Variants in KAZN observed in about 807,000 individuals in gnomAD.
The protein encoded by KAZN is kazrin, periplakin interacting protein, also known as kazrin.
In KAZN, 40 loss-of-function variants were observed where a neutral mutation model predicts 87.4. That is an observed-to-expected ratio of 0.46 (90% CI 0.36 to 0.60). KAZN has a LOEUF of 0.60. KAZN is among the 20% of genes least tolerant of loss of function. The probability of loss-of-function intolerance (pLI) is 0.00; values close to 1 mark genes in which losing one functional copy is unlikely to be tolerated. For missense variants in KAZN, 898 were observed against 1,073.9 expected, an observed-to-expected ratio of 0.84 and a Z score of 2.29; for synonymous variants, 466 against 458.3, an observed-to-expected ratio of 1.02 and a Z score of -0.22.
chr1:14,924,498 A>C, intron 1 of KAZN: 1 of 996,398 alleles, frequency 1.0e-6, no homozygotes, highest in East Asian at 1.1e-4. Flanking sequence ...CAGTGCGTGG[A>C]CGCGGCGGGG....
exon 1 of KAZN, chr1:13,893,646 C>T (rs1289692003): frequency 4.5e-6 from 7 of 1,550,036 alleles, no homozygotes; most frequent in Non-Finnish European, 6.1e-6. Context: ...ATGACCAACA[C>T]CAAAGACCCC....
rs564230388 is a variant in KAZN, at chr1:13,958,298, C to T, written c.91+64542C>T. 8.5e-5 allele frequency among the ~76,000 whole-genome samples: 13 copies of T among 152,190 alleles called. No homozygotes were observed. The East Asian group carries it at 9.7e-4, about 11-fold the overall frequency. ...CTAAAAATTAAAAATTGGCTGGGTG[C>T]GGTGGCTCACGCCTGTAATCCCAGC... On this transcript the variant is annotated intron_variant, in intron 1 of 16. Coordinates refer to the KAZN transcript ENST00000636203.
rs559594041 is a variant in KAZN at position 14,085,496 on chromosome 1, A to G, written c.92-94939A>G. 3.3e-5 allele frequency among the ~76,000 whole-genome samples: 5 copies of G among 152,186 alleles called. No individual in the cohort carries two copies. The East Asian group carries it at 9.7e-4, about 29-fold the overall frequency. On this transcript the variant is annotated intron_variant, in intron 1 of 16. Coordinates refer to the KAZN transcript ENST00000636203. The stretch of plus-strand genomic sequence containing the variant: ...GTCACTATAGTTTTGCTTGCTCTAG[A>G]GTTTTATAAAATTGAAGTCACTCAG...
At chr1:14,072,195 G>T (rs999789537) in intron 1 of KAZN, among the ~76,000 whole-genome samples, 3 of 152,156 alleles carry the variant, frequency 2.0e-5, no homozygotes, top group Admixed American at 2.0e-4. Flanking sequence ...TTATAAAGTT[G>T]TCTTTTTGCA....
intron 1 of KAZN, among the ~76,000 whole-genome samples, chr1:13,948,042 A>G (rs889937690): frequency 6.6e-6 from 1 of 152,154 alleles, no homozygotes; most frequent in Non-Finnish European, 1.5e-5. Context: ...ATTCAGGATA[A>G]TCTTTCCCAT....
intron 2 of KAZN, among the ~76,000 whole-genome samples, chr1:14,240,166 AG>A (rs1648810902): frequency 6.6e-6 from 1 of 152,240 alleles, no homozygotes; most frequent in Admixed American, 6.5e-5. Context: ...GCCTGGACCT[AG>A]GCTGAAAGAT....
rs71000358 is a variant in KAZN, at chr1:15,027,070, C to CTTTTTTTTT, written c.419-7658_419-7650dup. ...TAGGCAGATTCCCAAGCCAGTGCTT[C>CTTTTTTTTT]TTTTTTTTTTTTTTTTTTTTTTTTT... is the stretch of plus-strand genomic sequence containing the variant. On this transcript the variant is annotated intron_variant, in intron 2 of 14. Transcript: ENST00000376030. Among the ~76,000 whole-genome samples the CTTTTTTTTT allele has an allele frequency of 7.4e-3, 414 of 56,126 alleles. 68 individuals are homozygous for CTTTTTTTTT. Among genetic ancestry groups the CTTTTTTTTT allele is most frequent in the Non-Finnish European group, 9.3e-3 (299 of 32,168 alleles). The allele number at this position is 56,126 out of a possible 152,430, so 36.8% of individuals were successfully genotyped here.
At chr1:14,944,066 T>G (rs1357797826) in intron 1 of KAZN, among the ~76,000 whole-genome samples, 1 of 151,844 alleles carries the variant, frequency 6.6e-6, no homozygotes, top group Non-Finnish European at 1.5e-5. Context: ...AGAAAGAGAC[T>G]CTGTCTCAAA....
chr1:14,371,283 G>T (rs1269698899), intron 2 of KAZN, among the ~76,000 whole-genome samples: 2 of 152,110 alleles, frequency 1.3e-5, no homozygotes, highest in East Asian at 3.8e-4. Context: ...TGCCTCTTAT[G>T]GGGGGCAAAT....
At chr1:14,732,577 T>C (rs1364558332) in intron 1 of KAZN, among the ~76,000 whole-genome samples, 1 of 152,130 alleles carries the variant, frequency 6.6e-6, no homozygotes, top group Non-Finnish European at 1.5e-5. Flanking sequence ...AGGCAGAGGT[T>C]GCAGCGAGCC....
intron 2 of KAZN, among the ~76,000 whole-genome samples, chr1:15,034,395 G>A (rs1016657675): frequency 1.3e-5 from 2 of 152,206 alleles, no homozygotes; most frequent in Non-Finnish European, 2.9e-5. Flanking sequence ...AGGGAACTGA[G>A]GCCCTGTCCG....
chr1:14,622,147 T>A (rs1678746980), intron 1 of KAZN, among the ~76,000 whole-genome samples: 2 of 152,200 alleles, frequency 1.3e-5, no homozygotes, highest in South Asian at 4.1e-4. Context: ...TGAAGTCAGA[T>A]GTGCTCTGAC....
chr1:14,025,305 C>T (rs12141686), intron 1 of KAZN, among the ~76,000 whole-genome samples: 67,163 of 152,104 alleles, frequency 0.44, 16,719 homozygotes, highest in Admixed American at 0.6. Flanking sequence ...CAGCTCTGCT[C>T]AGTTCTGACT....
intron 2 of KAZN, among the ~76,000 whole-genome samples, chr1:14,344,389 T>C (rs1028420945): frequency 7.9e-5 from 12 of 152,168 alleles, no homozygotes; most frequent in African/African-American, 2.4e-4. Context: ...ATTTTTATTA[T>C]ATTGTGCTAA....
chr1:14,089,807 G>A (rs1012382939), intron 1 of KAZN, among the ~76,000 whole-genome samples: 1 of 152,142 alleles, frequency 6.6e-6, no homozygotes, highest in African/African-American at 2.4e-5. Flanking sequence ...TCAGCATAAT[G>A]AGAAATAAAT....
intron 1 of KAZN, among the ~76,000 whole-genome samples, chr1:14,060,380 A>C (rs1570640797): frequency 6.7e-6 from 1 of 150,322 alleles, no homozygotes; most frequent in Non-Finnish European, 1.5e-5. Context: ...AAAAAAAAAA[A>C]AAAGAATGAG....
chr1:14,943,008 GT>G (rs753965435), intron 1 of KAZN, among the ~76,000 whole-genome samples: 23,439 of 62,152 alleles, frequency 0.38, 2,210 homozygotes, highest in African/African-American at 0.46. Context: ...TGTGTGTGTG[GT>G]GTGTGTGTGT....
intron 2 of KAZN, among the ~76,000 whole-genome samples, chr1:14,544,036 C>T (rs1381929235): frequency 6.6e-6 from 1 of 152,138 alleles, no homozygotes; most frequent in African/African-American, 2.4e-5. Context: ...TCGTGAAATG[C>T]ATATTTTTTC....
At chr1:14,948,356 A>G (rs1662082671) in intron 1 of KAZN, among the ~76,000 whole-genome samples, 1 of 152,182 alleles carries the variant, frequency 6.6e-6, no homozygotes, top group African/African-American at 2.4e-5. Context: ...CCCAATGGCA[A>G]GACAGCTGCC....
Sources: gnomAD v4.1 joint callset for allele counts (sites outside exome capture counted in the v4.1 genomes callset) on GRCh38, gnomAD v4.1.1 for gene constraint, MANE v1.5 for transcripts, NCBI Gene and HGNC (gene_info 2026-07-23, HGNC 2026-07-21) for gene names.